The following ACAA2 variants were observed in gnomAD, a reference collection of about 807,000 sequenced individuals.
ACAA2 encodes the protein acetyl-CoA acyltransferase 2.
In ACAA2, 35 loss-of-function variants were observed where a neutral mutation model predicts 44.8. The ratio of observed to expected loss-of-function variants is 0.78; its 90% CI spans 0.60 to 1.04. The LOEUF (loss-of-function observed/expected upper bound fraction) is 1.04. Among genes scored for constraint, ACAA2 ranks in the 50% least tolerant of loss-of-function variants. ACAA2 has a pLI of 0.00. For missense variants in ACAA2, 468 were observed against 482.6 expected (o/e 0.97, Z 0.28); for synonymous variants, 142 against 166.5 (o/e 0.85, Z 1.13).
intron 1 of ACAA2, among the ~76,000 whole-genome samples, chr18:49,809,442 C>A (rs933016775): frequency 3.9e-5 from 6 of 152,226 alleles, no homozygotes; most frequent in Non-Finnish European, 7.3e-5. Context: ...ACAGCTCTAG[C>A]CGGTCCCTCC....
At chr18:49,799,628 G>A (rs535560441) in intron 2 of ACAA2, among the ~76,000 whole-genome samples, 13 of 151,926 alleles carry the variant, frequency 8.6e-5, no homozygotes, top group East Asian at 7.9e-4. Context: ...GCCTCTGCCC[G>A]GCTGCCACCC....
chr18:49,805,298 C>G (rs959847582), intron 1 of ACAA2, among the ~76,000 whole-genome samples: 4 of 152,134 alleles, frequency 2.6e-5, no homozygotes, highest in African/African-American at 9.7e-5. Flanking sequence ...ATTTCTATTT[C>G]AACCTCTCTT....
rs1568592386 is a variant in ACAA2 at position 49,810,876 on chromosome 18, TG to T, written c.16+2592del. 6.9e-5 allele frequency among the ~76,000 whole-genome samples: 10 copies of T among 144,516 alleles called. No homozygotes were observed. The South Asian group carries it at 2.2e-3, about 31-fold the overall frequency. 94.8% of individuals were successfully genotyped at this position (144,516 alleles called of 152,430 possible). A position where few individuals can be genotyped will look rare whatever the true frequency, so the allele number is the denominator to read the frequency against. On this transcript the variant is annotated intron_variant, in intron 1 of 9. Coordinates refer to ENST00000285093, the MANE Select transcript of ACAA2 (RefSeq NM_006111.3). ...TAATTTTTGTATTTTTTGTAGAGACTGGGTTTCTCTATTTTAAAAAATAATT... is the reference window on the plus strand; with the variant it reads ...TAATTTTTGTATTTTTTGTAGAGACTGGTTTCTCTATTTTAAAAAATAATT...
At chr18:49,813,438 G>A (rs531557763) in intron 1 of ACAA2, 31 bp downstream of exon 1, 9 of 1,238,394 alleles carry the variant, frequency 7.3e-6, no homozygotes, top group South Asian at 4.1e-5. Flanking sequence ...GACCCCGAGG[G>A]GCGAGGAGAG....
chr18:49,810,701 G>A (rs2023658614), intron 1 of ACAA2, among the ~76,000 whole-genome samples: 1 of 151,532 alleles, frequency 6.6e-6, no homozygotes, highest in Admixed American at 6.6e-5. Context: ...TTGTTTGTTT[G>A]TTTGGAGGCA....
In ACAA2 at chr18:49,791,630, G is replaced by A. The variant is rs180793143; in HGVS notation, c.754-31C>T. On this transcript the variant is annotated intron_variant, in intron 6 of 9. Coordinates refer to ENST00000285093, the MANE Select transcript of ACAA2 (RefSeq NM_006111.3). ...AAATAAAAATACTAGATTAACTAAA[G>A]GCTAAAATAATCCAGTTAATCAAAG... 1,543 of 1,605,772 alleles carry A rather than the reference G, an allele frequency of 9.6e-4. 9 individuals carry two copies. The highest frequency in any genetic ancestry group is 6.3e-4 in the Non-Finnish European group (736 of 1,174,720).
intron 1 of ACAA2, among the ~76,000 whole-genome samples, chr18:49,811,884 T>G (rs1173309761): frequency 6.6e-6 from 1 of 152,236 alleles, no homozygotes; most frequent in African/African-American, 2.4e-5. Flanking sequence ...TTATACTTCC[T>G]TAATACAGGT....
At position 49,791,459 on chromosome 18, in the gene ACAA2, T is replaced by C. The variant is rs78816994; in HGVS notation, c.883+11A>G. 1,522 of 1,609,062 alleles carry C rather than the reference T, an allele frequency of 9.5e-4. 3 individuals are homozygous for C. The highest frequency in any genetic ancestry group is 1.2e-3 in the Non-Finnish European group (1,470 of 1,177,850). The stretch of plus-strand genomic sequence containing the variant: ...ATATTATAGAACCAGTTTGTTTTAC[T>C]ATAAACTTACCAATACCCATGATAG... On this transcript the variant is annotated intron_variant, in intron 7 of 9. Coordinates refer to ENST00000285093, the MANE Select transcript of ACAA2 (RefSeq NM_006111.3).
intron 1 of ACAA2, among the ~76,000 whole-genome samples, chr18:49,808,761 A>G (rs1032970131): frequency 2.0e-5 from 3 of 152,168 alleles, no homozygotes; most frequent in Non-Finnish European, 4.4e-5. Flanking sequence ...CAAAGGACAA[A>G]GCAAAGATCA....
intron 7 of ACAA2, among the ~76,000 whole-genome samples, chr18:49,789,102 AGGAGTTC>A (rs1349845755): frequency 1.3e-5 from 2 of 152,152 alleles, no homozygotes; most frequent in Non-Finnish European, 2.9e-5. Flanking sequence ...GCCACCCCTG[AGGAGTTC>A]CAGGGAGTGC....
chr18:49,798,342 C>T (rs1306226017), intron 2 of ACAA2, among the ~76,000 whole-genome samples: 9 of 151,988 alleles, frequency 5.9e-5, no homozygotes, highest in Non-Finnish European at 8.8e-5. Context: ...CATATGGGGG[C>T]GTCTTGTTAT....
At chr18:49,804,845 T>A (rs1598801698) in intron 1 of ACAA2, among the ~76,000 whole-genome samples, 1 of 152,180 alleles carries the variant, frequency 6.6e-6, no homozygotes. Context: ...ATGATTATGA[T>A]GTGAGTGGTA....
chr18:49,790,863 T>C (rs2023389893), intron 7 of ACAA2, among the ~76,000 whole-genome samples: 1 of 152,224 alleles, frequency 6.6e-6, no homozygotes, highest in Non-Finnish European at 1.5e-5. Context: ...GGAATATTAA[T>C]TTGACTTCCT....
chr18:49,787,480 C>A, intron 7 of ACAA2, 119 bp from the exon 8 acceptor site: 2 of 707,344 alleles, frequency 2.8e-6, no homozygotes, highest in Non-Finnish European at 4.2e-6. Context: ...TATTAGTAGC[C>A]ACAAATCTTA....
intron 1 of ACAA2, among the ~76,000 whole-genome samples, chr18:49,808,768 A>G (rs2023637002): frequency 6.6e-6 from 1 of 152,208 alleles, no homozygotes; most frequent in Non-Finnish European, 1.5e-5. Context: ...CAAAGCAAAG[A>G]TCACAAGGCA....
At chr18:49,813,428 G>C (rs2945506) in intron 1 of ACAA2, 41 bp downstream of exon 1, 15 of 1,234,900 alleles carry the variant, frequency 1.2e-5, no homozygotes, top group Non-Finnish European at 1.5e-5. Flanking sequence ...GGGAGGGCAG[G>C]ACCCCGAGGG....
At position 49,785,371 on chromosome 18, in the gene ACAA2, C is replaced by T; in HGVS notation, c.955-20G>A. On this transcript the variant is annotated intron_variant, in intron 8 of 9. Transcript: ENST00000285093. ...ATTCACCTTAAAACAAAAATTAGAG[C>T]ACTAACAAAAATCCTTACTCACAAA... The T allele has an allele frequency of 1.2e-6, 2 of 1,610,710 alleles. No individual in the cohort carries two copies. The highest frequency in any genetic ancestry group is 8.5e-7 in the Non-Finnish European group (1 of 1,178,484).
rs1418330194 is a variant in ACAA2, at chr18:49,783,630, A to G, written c.*217T>C. The G allele has an allele frequency of 5.1e-5, 25 of 492,322 alleles. No individual in the cohort carries two copies. The highest frequency in any genetic ancestry group is 5.2e-5 in the Non-Finnish European group (14 of 266,870). 30.5% of individuals were successfully genotyped at this position (492,322 alleles called of 1,614,324 possible). A position where few individuals can be genotyped will look rare whatever the true frequency, so the allele number is the denominator to read the frequency against. ...TAGTTGAGTTTTAGCTCAGAAATAC[A>G]TCATATTTCACTGGTTCAAATCTGA... On this transcript the variant is annotated 3_prime_UTR_variant, in exon 10 of 10. Coordinates refer to ENST00000285093, the MANE Select transcript of ACAA2 (RefSeq NM_006111.3).
At chr18:49,789,869 A>C (rs2023377902) in intron 7 of ACAA2, among the ~76,000 whole-genome samples, 1 of 152,138 alleles carries the variant, frequency 6.6e-6, no homozygotes, top group Non-Finnish European at 1.5e-5. Context: ...CTGTAATCCC[A>C]GCTACTGGGA....
Sources: gnomAD v4.1 joint callset for allele counts (sites outside exome capture counted in the v4.1 genomes callset) on GRCh38, gnomAD v4.1.1 for gene constraint, MANE v1.5 for transcripts, NCBI Gene and HGNC (gene_info 2026-07-23, HGNC 2026-07-21) for gene names.